The following SORCS2 variants were observed in gnomAD, a reference collection of about 807,000 sequenced individuals.
SORCS2 encodes VPS10 domain-containing receptor SorCS2.
Under a neutral mutation model 141.6 loss-of-function variants are expected in SORCS2, and 100 were observed. The ratio of observed to expected loss-of-function variants is 0.71; its 90% CI spans 0.60 to 0.83. The LOEUF (loss-of-function observed/expected upper bound fraction) is 0.83. Ranked by LOEUF, SORCS2 falls within the 40% of genes least tolerant of loss-of-function variation. The pLI is 0.00. For synonymous variants in SORCS2, 789 were observed against 676.9 expected, an observed-to-expected ratio of 1.17 and a Z score of -2.57; for missense variants, 1,646 against 1,560.2, an observed-to-expected ratio of 1.05 and a Z score of -0.93.
intron 2 of SORCS2, among the ~76,000 whole-genome samples, chr4:7,485,248 C>G (rs902425055): frequency 2.0e-5 from 3 of 152,242 alleles, no homozygotes; most frequent in East Asian, 1.9e-4. Context: ...CATGCCCCTC[C>G]CATCGCCCTG....
intron 8 of SORCS2, among the ~76,000 whole-genome samples, chr4:7,669,947 T>C (rs1167800510): frequency 2.0e-5 from 3 of 152,242 alleles, no homozygotes; most frequent in African/African-American, 7.2e-5. Flanking sequence ...TAAGCCAGAG[T>C]CTTGTTGCTT....
rs114923196 is a variant in SORCS2 at position 7,696,512 on chromosome 4, G to A, written c.1592-686G>A. 2.2e-3 allele frequency among the ~76,000 whole-genome samples: 342 copies of A among 152,320 alleles called. 4 individuals are homozygous for A. Among genetic ancestry groups the A allele is most frequent in the African/African-American group, 7.5e-3 (312 of 41,570 alleles). ...TCAGCTTCCTCATCTGTAACATGAG[G>A]TTGGCTTGGATGCTGGCCATGAGTT... is the stretch of plus-strand genomic sequence containing the variant. On this transcript the variant is annotated intron_variant, in intron 11 of 26. Transcript: ENST00000507866.
chr4:7,643,885 C>G (rs571368279), intron 4 of SORCS2, among the ~76,000 whole-genome samples: 1 of 152,116 alleles, frequency 6.6e-6, no homozygotes, highest in Non-Finnish European at 1.5e-5. Context: ...GTTGATGGCT[C>G]GCTCTGACCT....
At chr4:7,570,229 G>A (rs772722985) in intron 3 of SORCS2, among the ~76,000 whole-genome samples, 5 of 152,192 alleles carry the variant, frequency 3.3e-5, no homozygotes. Flanking sequence ...GTGGAGTTCC[G>A]ATTTATAGGC....
intron 1 of SORCS2, among the ~76,000 whole-genome samples, chr4:7,222,908 C>T (rs1287140831): frequency 2.0e-5 from 3 of 152,140 alleles, no homozygotes; most frequent in Non-Finnish European, 2.9e-5. Context: ...CTCCACTCCA[C>T]CTTGACTCAT....
intron 1 of SORCS2, among the ~76,000 whole-genome samples, chr4:7,328,108 C>T (rs1719403087): frequency 6.7e-6 from 1 of 148,920 alleles, no homozygotes; most frequent in Non-Finnish European, 1.5e-5. Context: ...TCACTTCAAC[C>T]TCTGCCTCAC....
chr4:7,482,003 G>GAC (rs1395599665), intron 2 of SORCS2, among the ~76,000 whole-genome samples: 65 of 85,162 alleles, frequency 7.6e-4, no homozygotes, highest in East Asian at 3.9e-3. Flanking sequence ...GGACACCCCT[G>GAC]GCTGCTGTTC....
At chr4:7,510,364 GCTGA>G (rs1401730192) in intron 2 of SORCS2, among the ~76,000 whole-genome samples, 5 of 152,212 alleles carry the variant, frequency 3.3e-5, no homozygotes, top group African/African-American at 4.8e-5. Flanking sequence ...TGTCCTCCGA[GCTGA>G]CTTACTCCAG....
chr4:7,240,402 C>T (rs770307984), intron 1 of SORCS2, among the ~76,000 whole-genome samples: 9 of 152,184 alleles, frequency 5.9e-5, no homozygotes, highest in Admixed American at 1.3e-4. Context: ...TGATACGTAA[C>T]GCGGGGCCAT....
chr4:7,351,000 G>A (rs1400380267), intron 1 of SORCS2, among the ~76,000 whole-genome samples: 1 of 152,134 alleles, frequency 6.6e-6, no homozygotes, highest in Admixed American at 6.5e-5. Context: ...TGGGGCTGTC[G>A]AAAGCTGGTG....
At chr4:7,514,275 A>G (rs1390552736) in intron 2 of SORCS2, among the ~76,000 whole-genome samples, 2 of 152,010 alleles carry the variant, frequency 1.3e-5, no homozygotes, top group African/African-American at 4.8e-5. Context: ...TGGTTCAGGC[A>G]CCCTTGGGTG....
intron 1 of SORCS2, among the ~76,000 whole-genome samples, chr4:7,325,460 T>C (rs1207263260): frequency 6.6e-6 from 1 of 152,178 alleles, no homozygotes; most frequent in Non-Finnish European, 1.5e-5. Flanking sequence ...TAACTGGTTA[T>C]CTTTATTCCT....
At chr4:7,372,891 T>C (rs1213909705) in intron 1 of SORCS2, among the ~76,000 whole-genome samples, 2 of 152,156 alleles carry the variant, frequency 1.3e-5, no homozygotes, top group Non-Finnish European at 2.9e-5. Context: ...CTGGCATGTC[T>C]GTTCGTGACG....
intron 1 of SORCS2, among the ~76,000 whole-genome samples, chr4:7,384,504 G>A (rs369953704): frequency 4.6e-5 from 7 of 152,160 alleles, no homozygotes; most frequent in Non-Finnish European, 7.4e-5. Context: ...GTTAAGGTGC[G>A]TACACGGGGC....
intron 1 of SORCS2, among the ~76,000 whole-genome samples, chr4:7,328,570 A>T (rs1372814314): frequency 6.6e-6 from 1 of 152,128 alleles, no homozygotes; most frequent in Non-Finnish European, 1.5e-5. Context: ...GAGTTCGTTC[A>T]TTCATCCATC....
intron 1 of SORCS2, among the ~76,000 whole-genome samples, chr4:7,288,944 A>C (rs770403522): frequency 1.3e-5 from 2 of 151,750 alleles, no homozygotes; most frequent in Non-Finnish European, 2.9e-5. Flanking sequence ...CACCTCCTCC[A>C]GGAAGCCTTC....
At chr4:7,724,627 A>ATGG (rs765534091) in intron 19 of SORCS2, among the ~76,000 whole-genome samples, 10,573 of 67,426 alleles carry the variant, frequency 0.16, 1,239 homozygotes, top group South Asian at 0.21. Flanking sequence ...GAGGATGGTG[A>ATGG]TGGTGGTGAT....
chr4:7,276,609 G>A (rs1452018899), intron 1 of SORCS2, among the ~76,000 whole-genome samples: 4 of 152,096 alleles, frequency 2.6e-5, no homozygotes, highest in Non-Finnish European at 5.9e-5. Flanking sequence ...AACTCAGGTG[G>A]GCCTAATTCT....
intron 2 of SORCS2, among the ~76,000 whole-genome samples, chr4:7,503,720 C>T (rs1281927773): frequency 3.9e-5 from 6 of 152,172 alleles, no homozygotes; most frequent in Admixed American, 1.3e-4. Context: ...ATTGATGGGC[C>T]GTGTGCTCCC....
Sources: gnomAD v4.1 joint callset for allele counts (sites outside exome capture counted in the v4.1 genomes callset) on GRCh38, gnomAD v4.1.1 for gene constraint, MANE v1.5 for transcripts, NCBI Gene and HGNC (gene_info 2026-07-23, HGNC 2026-07-21) for gene names.